The following DLG2 variants were observed in gnomAD, a reference collection of about 807,000 sequenced individuals.
DLG2 encodes discs large MAGUK scaffold protein 2.
DLG2 carries 45 observed loss-of-function variants against 132.5 expected under a neutral mutation model. The observed-to-expected ratio is 0.34, with a 90% CI of 0.27 to 0.44. The LOEUF (loss-of-function observed/expected upper bound fraction) is 0.44. Ranked by LOEUF, DLG2 falls within the 20% of genes least tolerant of loss-of-function variation. The pLI is 1.00. For missense variants in DLG2, 1,045 were observed against 1,196.9 expected (o/e 0.87, Z 1.87); for synonymous variants, 424 against 419.6 (o/e 1.01, Z -0.13).
chr11:84,867,164 G>A (rs757567243), intron 6 of DLG2, among the ~76,000 whole-genome samples: 15 of 152,194 alleles, frequency 9.9e-5, no homozygotes, highest in Non-Finnish European at 1.6e-4. Flanking sequence ...GCCCTCAAGG[G>A]AGTCACAGTA....
At chr11:84,909,568 C>A (rs2091877558) in intron 6 of DLG2, among the ~76,000 whole-genome samples, 1 of 152,164 alleles carries the variant, frequency 6.6e-6, no homozygotes, top group African/African-American at 2.4e-5. Context: ...TGAGTACATT[C>A]TTTTCTTCTG....
intron 6 of DLG2, among the ~76,000 whole-genome samples, chr11:84,974,850 A>G (rs1209208226): frequency 1.3e-5 from 2 of 152,384 alleles, no homozygotes; most frequent in African/African-American, 4.8e-5. Context: ...TCAAAGGTCT[A>G]TGTGAAATTT....
intron 6 of DLG2, among the ~76,000 whole-genome samples, chr11:84,868,031 G>A (rs889729980): frequency 2.0e-5 from 3 of 151,212 alleles, no homozygotes; most frequent in Admixed American, 6.6e-5. Context: ...CTGAGATCGC[G>A]CCACTGCACT....
chr11:83,763,573 G>A (rs1367631443), intron 18 of DLG2, among the ~76,000 whole-genome samples: 2 of 152,178 alleles, frequency 1.3e-5, no homozygotes, highest in African/African-American at 4.8e-5. Flanking sequence ...CACCATGTGA[G>A]TTGCAAGGAA....
At chr11:85,003,858 C>T (rs1295536236) in intron 6 of DLG2, among the ~76,000 whole-genome samples, 1 of 152,236 alleles carries the variant, frequency 6.6e-6, no homozygotes, top group East Asian at 1.9e-4. Flanking sequence ...TCTCTTAATG[C>T]TATCCCTCCC....
intron 6 of DLG2, among the ~76,000 whole-genome samples, chr11:84,588,461 A>G (rs1223973841): frequency 6.6e-6 from 1 of 152,100 alleles, no homozygotes; most frequent in African/African-American, 2.4e-5. Context: ...CCAATTCCAA[A>G]CAGATAGCTA....
chr11:84,084,682 T>C (rs1243453471), intron 10 of DLG2, among the ~76,000 whole-genome samples: 2 of 152,230 alleles, frequency 1.3e-5, no homozygotes, highest in Non-Finnish European at 2.9e-5. Flanking sequence ...CTCAGGCCTG[T>C]ACTTCTCAGT....
At chr11:84,945,336 T>C (rs931198365) in intron 6 of DLG2, among the ~76,000 whole-genome samples, 3 of 152,212 alleles carry the variant, frequency 2.0e-5, no homozygotes, top group Non-Finnish European at 4.4e-5. Flanking sequence ...GTGGTGTTCT[T>C]GAGTGAGATC....
At chr11:83,876,489 A>T (rs983984825) in intron 15 of DLG2, among the ~76,000 whole-genome samples, 6 of 151,426 alleles carry the variant, frequency 4.0e-5, no homozygotes, top group Non-Finnish European at 5.9e-5. Context: ...ATTTTCTATT[A>T]AAAAATATTA....
chr11:85,511,123 C>CA (rs1565612331), intron 3 of DLG2, among the ~76,000 whole-genome samples: 2 of 152,004 alleles, frequency 1.3e-5, no homozygotes, highest in African/African-American at 2.4e-5. Context: ...ATCGCAAGGA[C>CA]AAAAAACCGA....
At chr11:85,314,695 G>C (rs1596168983) in intron 3 of DLG2, among the ~76,000 whole-genome samples, 1 of 151,952 alleles carries the variant, frequency 6.6e-6, no homozygotes, top group Non-Finnish European at 1.5e-5. Context: ...AAGCAATGTA[G>C]TATAATGCAT....
chr11:84,778,094 G>C (rs893338379), intron 6 of DLG2, among the ~76,000 whole-genome samples: 1 of 151,496 alleles, frequency 6.6e-6, no homozygotes. Flanking sequence ...CAGGTCTTAT[G>C]TTTACGTCTT....
chr11:85,044,107 T>C (rs2062100649), intron 6 of DLG2, among the ~76,000 whole-genome samples: 1 of 152,002 alleles, frequency 6.6e-6, no homozygotes, highest in South Asian at 2.1e-4. Flanking sequence ...TTTGCCCCAT[T>C]CATCTTGTTT....
intron 3 of DLG2, among the ~76,000 whole-genome samples, chr11:85,510,982 T>C (rs1179620971): frequency 6.6e-6 from 1 of 151,898 alleles, no homozygotes; most frequent in Non-Finnish European, 1.5e-5. Flanking sequence ...CAAGTGTCCA[T>C]CAATGATAGA....
intron 7 of DLG2, among the ~76,000 whole-genome samples, chr11:84,268,570 T>C (rs961399209): frequency 6.6e-6 from 1 of 150,832 alleles, no homozygotes; most frequent in Non-Finnish European, 1.5e-5. Flanking sequence ...CACGCCATTC[T>C]CCTGTCTCAG....
intron 8 of DLG2, among the ~76,000 whole-genome samples, chr11:84,213,708 A>G (rs1010891430): frequency 1.3e-5 from 2 of 151,174 alleles, no homozygotes; most frequent in African/African-American, 2.4e-5. Flanking sequence ...AGTCCCAGCT[A>G]CTCGGGAGGC....
chr11:85,003,193 G>A (rs544961310), intron 6 of DLG2, among the ~76,000 whole-genome samples: 2 of 152,166 alleles, frequency 1.3e-5, no homozygotes, highest in South Asian at 4.1e-4. Flanking sequence ...GGCTTAATAT[G>A]TAATGATCCA....
Position 85,625,909 on chromosome 11 carries a change from A to T in DLG2, c.-93+678T>A, listed in dbSNP as rs375989574. On this transcript the variant is annotated intron_variant, in intron 2 of 27. Coordinates refer to ENST00000376104, the MANE Select transcript of DLG2 (RefSeq NM_001142699.3). ...AACTGAATCCCCAAGTTCAGAATAT[A>T]ATCAACTATGCTTCAGGAATTCACT... Among the ~76,000 whole-genome samples the T allele has an allele frequency of 3.9e-5, 6 of 152,336 alleles. No homozygotes were observed. In the South Asian group the frequency reaches 1.2e-3, roughly 32 times the overall value.
chr11:85,488,745 T>C (rs2093489701), intron 3 of DLG2, among the ~76,000 whole-genome samples: 1 of 152,212 alleles, frequency 6.6e-6, no homozygotes, highest in Non-Finnish European at 1.5e-5. Context: ...CATAATTCTA[T>C]ATCTAGCAAG....
Sources: gnomAD v4.1 joint callset for allele counts (sites outside exome capture counted in the v4.1 genomes callset) on GRCh38, gnomAD v4.1.1 for gene constraint, MANE v1.5 for transcripts, NCBI Gene and HGNC (gene_info 2026-07-23, HGNC 2026-07-21) for gene names.